Variants in BBS9 observed in about 807,000 individuals in gnomAD.
BBS9 encodes Bardet-Biedl syndrome 9, also known as protein PTHB1.
In BBS9, 89 loss-of-function variants were observed where a neutral mutation model predicts 117.7. The ratio of observed to expected loss-of-function variants is 0.76; its 90% CI spans 0.64 to 0.90. The LOEUF is 0.90. Among genes scored for constraint, BBS9 ranks in the 40% least tolerant of loss-of-function variants. The pLI, the probability that BBS9 is intolerant of heterozygous loss-of-function variation, is 0.00. For synonymous variants in BBS9, 379 were observed against 370.9 expected (o/e 1.02, Z -0.25); for missense variants, 982 against 1,042.2 (o/e 0.94, Z 0.80).
At chr7:33,320,126 A>G (rs1042409056) in intron 9 of BBS9, among the ~76,000 whole-genome samples, 1 of 152,112 alleles carries the variant, frequency 6.6e-6, no homozygotes, top group Non-Finnish European at 1.5e-5. Flanking sequence ...TATACTCTTT[A>G]GCTAAATATA....
intron 21 of BBS9, among the ~76,000 whole-genome samples, chr7:33,536,681 T>TCC (rs1563323298): frequency 2.3e-5 from 1 of 44,208 alleles, no homozygotes. Flanking sequence ...GATTCGGCCT[T>TCC]CCCCCCGCCC....
intron 20 of BBS9, among the ~76,000 whole-genome samples, chr7:33,521,736 GTTTTC>G (rs1382427699): frequency 6.7e-6 from 1 of 150,120 alleles, no homozygotes; most frequent in Non-Finnish European, 1.5e-5. Flanking sequence ...TCAAAGGGCT[GTTTTC>G]TTTTTCTTTT....
intron 19 of BBS9, among the ~76,000 whole-genome samples, chr7:33,430,761 G>GTTT (rs1834319374): frequency 6.6e-6 from 1 of 152,182 alleles, no homozygotes; most frequent in African/African-American, 2.4e-5. Context: ...TTTAATAAAT[G>GTTT]AGTGTTTCGA....
chr7:33,368,941 G>A (rs1822338162), intron 17 of BBS9, among the ~76,000 whole-genome samples: 1 of 152,130 alleles, frequency 6.6e-6, no homozygotes, highest in Non-Finnish European at 1.5e-5. Flanking sequence ...ACAACTCTGA[G>A]AAGAAAGAGG....
intron 6 of BBS9, among the ~76,000 whole-genome samples, chr7:33,260,941 T>C (rs1390425546): frequency 6.6e-6 from 1 of 152,232 alleles, no homozygotes; most frequent in Non-Finnish European, 1.5e-5. Flanking sequence ...TAAATAAATA[T>C]TTAAAAGTGT....
At chr7:33,171,113 C>T (rs559440907) in intron 4 of BBS9, among the ~76,000 whole-genome samples, 1 of 151,982 alleles carries the variant, frequency 6.6e-6, no homozygotes, top group Non-Finnish European at 1.5e-5. Context: ...CTTTAAAGTT[C>T]ATATGGAATG....
At chr7:33,569,686 C>T (rs562210475) in intron 21 of BBS9, among the ~76,000 whole-genome samples, 21 of 151,952 alleles carry the variant, frequency 1.4e-4, no homozygotes, top group East Asian at 9.7e-4. Flanking sequence ...GGCGTGAACC[C>T]GGGAGGAGGA....
In BBS9 at chr7:33,380,100, G is replaced by C. The variant is rs541130822; in HGVS notation, c.1790-3566G>C. 3 of 156,446 alleles carry C rather than the reference G, an allele frequency of 1.9e-5. No individual in the cohort carries two copies. The South Asian group carries it at 6.1e-4, about 32-fold the overall frequency. The allele number at this position is 156,446 out of a possible 1,614,324, so 9.7% of individuals were successfully genotyped here. A position where few individuals can be genotyped will look rare whatever the true frequency, so the allele number is the denominator to read the frequency against. On this transcript the variant is annotated intron_variant, in intron 17 of 22. Coordinates refer to ENST00000242067, the MANE Select transcript of BBS9 (RefSeq NM_198428.3). ...AGCTGGAGGAGCTGATGACTAGCCTGTTTGAGGAAGCCCACAAGATGGTGT... is the reference window on the plus strand; with the variant it reads ...AGCTGGAGGAGCTGATGACTAGCCTCTTTGAGGAAGCCCACAAGATGGTGT...
intron 20 of BBS9, among the ~76,000 whole-genome samples, chr7:33,530,450 A>G (rs1451979868): frequency 6.6e-6 from 1 of 152,252 alleles, no homozygotes; most frequent in Non-Finnish European, 1.5e-5. Context: ...GAATGACAGT[A>G]TGAACTATTT....
chr7:33,622,529 A>G (rs1396704120), intron 21 of BBS9, among the ~76,000 whole-genome samples: 1 of 152,252 alleles, frequency 6.6e-6, no homozygotes, highest in African/African-American at 2.4e-5. Flanking sequence ...ATACACATTC[A>G]ATATCAAAGC....
intron 16 of BBS9, among the ~76,000 whole-genome samples, chr7:33,365,983 A>G (rs1194228257): frequency 6.6e-6 from 1 of 152,204 alleles, no homozygotes; most frequent in Non-Finnish European, 1.5e-5. Flanking sequence ...TATCTGAGAC[A>G]TGGATGGGCA....
At chr7:33,628,228 C>G (rs1340044835) in intron 21 of BBS9, among the ~76,000 whole-genome samples, 1 of 151,938 alleles carries the variant, frequency 6.6e-6, no homozygotes, top group Non-Finnish European at 1.5e-5. Context: ...AGGACAATAG[C>G]AAAAGACACA....
intron 4 of BBS9, among the ~76,000 whole-genome samples, chr7:33,175,789 T>G (rs1191213042): frequency 6.6e-6 from 1 of 152,080 alleles, no homozygotes; most frequent in Non-Finnish European, 1.5e-5. Context: ...AAAGACTAAT[T>G]AACAATAGGA....
In BBS9 at chr7:33,351,223, A is replaced by G; in HGVS notation, c.1437A>G (p.Pro479=). The change falls in exon 14 of 23, where the codon CCA becomes CCG. Residue 479 remains proline, a synonymous_variant. Transcript: ENST00000242067. The part of the protein sequence containing the change: ...CDQFTFEFMT[P]DLTRTVSFSV... ...TTATTTTTACATTGCTTATAGCACC[A>G]GATTTGACTAGAACAGTAAGCTTTT... is the stretch of plus-strand genomic sequence containing the variant. 1 of 1,598,596 alleles carries G rather than the reference A, an allele frequency of 6.3e-7. No individual in the cohort carries two copies. The highest frequency in any genetic ancestry group is 8.6e-7 in the Non-Finnish European group (1 of 1,166,154).
chr7:33,470,091 C>A (rs1307586311), intron 19 of BBS9, among the ~76,000 whole-genome samples: 6 of 152,100 alleles, frequency 3.9e-5, no homozygotes, highest in African/African-American at 1.4e-4. Context: ...ATGTCTTGCT[C>A]ATCTTTGGAA....
chr7:33,307,616 A>G (rs1382496402), intron 9 of BBS9, among the ~76,000 whole-genome samples: 1 of 152,074 alleles, frequency 6.6e-6, no homozygotes, highest in Admixed American at 6.6e-5. Flanking sequence ...TTTGCTTATA[A>G]CCTATGTACA....
chr7:33,418,934 A>G (rs546225279), intron 19 of BBS9, among the ~76,000 whole-genome samples: 5 of 152,334 alleles, frequency 3.3e-5, no homozygotes, highest in African/African-American at 1.2e-4. Context: ...TAATACCTTT[A>G]GCTTGAAGTA....
chr7:33,372,443 T>C (rs974413623), intron 17 of BBS9, among the ~76,000 whole-genome samples: 7 of 152,212 alleles, frequency 4.6e-5, no homozygotes, highest in Non-Finnish European at 7.3e-5. Flanking sequence ...GTTAATATGA[T>C]GTATCATGCT....
chr7:33,486,257 A>G (rs530408098), intron 19 of BBS9, among the ~76,000 whole-genome samples: 27 of 152,204 alleles, frequency 1.8e-4, no homozygotes, highest in Middle Eastern at 6.8e-3. Flanking sequence ...AGCTTCTCAA[A>G]TTCATAACAT....
Sources: allele counts gnomAD v4.1 joint callset (sites outside exome capture counted in the v4.1 genomes callset), GRCh38; gene constraint gnomAD v4.1.1; transcripts MANE v1.5; gene names NCBI Gene and HGNC (gene_info 2026-07-23, HGNC 2026-07-21).